The following CRB1 variants were observed in gnomAD, a reference collection of about 807,000 sequenced individuals.
CRB1 encodes the protein protein crumbs homolog 1.
Under a neutral mutation model 120.0 loss-of-function variants are expected in CRB1, and 83 were observed. The observed-to-expected ratio is 0.69, with a 90% CI of 0.58 to 0.83. CRB1 has a LOEUF of 0.83. CRB1 is among the 40% of genes least tolerant of loss of function. CRB1 has a pLI of 0.00. For synonymous variants in CRB1, 625 were observed against 612.5 expected (o/e 1.02, Z -0.30); for missense variants, 1,699 against 1,687.6 (o/e 1.01, Z -0.12).
chr1:197,268,220 T>C, upstream of CRB1: 1 of 575,600 alleles, frequency 1.7e-6, no homozygotes, highest in Non-Finnish European at 3.2e-6. Flanking sequence ...GTGTAAGTGA[T>C]GCTAAGAAGC....
At chr1:197,311,921 A>AT (rs987403488) in intron 1 of CRB1, among the ~76,000 whole-genome samples, 2 of 152,050 alleles carry the variant, frequency 1.3e-5, no homozygotes, top group African/African-American at 4.8e-5. Flanking sequence ...CATCTTTTAA[A>AT]TTTTGAGTGA....
the CRB1 span, among the ~76,000 whole-genome samples, chr1:197,236,432 C>T: frequency 6.6e-6 from 1 of 152,086 alleles, no homozygotes; most frequent in East Asian, 1.9e-4. Flanking sequence ...AACTCCTGAC[C>T]TCGTGATCCA....
At chr1:197,228,030 A>G in the CRB1 span, among the ~76,000 whole-genome samples, 5 of 152,298 alleles carry the variant, frequency 3.3e-5, no homozygotes, top group Admixed American at 3.3e-4. Context: ...ACAGGGCACC[A>G]AGTCCCTAGG....
intron 1 of CRB1, among the ~76,000 whole-genome samples, chr1:197,294,622 C>A (rs1408727964): frequency 3.3e-5 from 5 of 152,102 alleles, no homozygotes; most frequent in Non-Finnish European, 7.4e-5. Flanking sequence ...TTTATTGCGG[C>A]ACTATTCACA....
At chr1:197,380,192 T>G (rs1661878076) in intron 5 of CRB1, among the ~76,000 whole-genome samples, 1 of 152,194 alleles carries the variant, frequency 6.6e-6, no homozygotes, top group African/African-American at 2.4e-5. Context: ...GTCTGGAATA[T>G]TATCAAAAGT....
chr1:197,327,128 A>AT (rs1558055735), intron 1 of CRB1, among the ~76,000 whole-genome samples: 5 of 149,846 alleles, frequency 3.3e-5, no homozygotes, highest in African/African-American at 1.2e-4. Flanking sequence ...AAAAAAAAAA[A>AT]AAAACAGAAA....
Position 197,356,880 on chromosome 1 carries a change from C to T in CRB1, c.1038C>T (p.Asn346=), listed in dbSNP as rs1320196113. 1 of 1,614,178 alleles carries T rather than the reference C, an allele frequency of 6.2e-7. No homozygotes were observed. The highest frequency in any genetic ancestry group is 8.5e-7 in the Non-Finnish European group (1 of 1,180,028). ...TCGACCTCAATGAATGCAATAGTAA[C>T]CCCTGCCAGTCCAATGGGGAATGTG... ...CEIDLNECNS[N]PCQSNGECVE... is the part of the protein sequence containing the mutation. The change falls in exon 5 of 12, where the codon AAC becomes AAT. Residue 346 remains asparagine, a synonymous_variant. Coordinates refer to ENST00000367400, the MANE Select transcript of CRB1 (RefSeq NM_201253.3).
intron 5 of CRB1, among the ~76,000 whole-genome samples, chr1:197,417,055 A>C (rs935110242): frequency 6.6e-6 from 1 of 152,190 alleles, no homozygotes; most frequent in African/African-American, 2.4e-5. Flanking sequence ...TTCAGAGGCA[A>C]TTTGAAGGAG....
intron 1 of CRB1, among the ~76,000 whole-genome samples, chr1:197,307,304 A>C (rs1571808445): frequency 1.3e-5 from 2 of 152,336 alleles, no homozygotes; most frequent in Admixed American, 6.5e-5. Flanking sequence ...TTACAACTGC[A>C]AATGAGGATG....
chr1:197,212,813 G>A, the CRB1 span, among the ~76,000 whole-genome samples: 1 of 151,884 alleles, frequency 6.6e-6, no homozygotes, highest in African/African-American at 2.4e-5. Flanking sequence ...GACACACAAT[G>A]AAACAAAACA....
intron 5 of CRB1, among the ~76,000 whole-genome samples, chr1:197,367,392 G>A (rs368293973): frequency 2.0e-4 from 31 of 152,152 alleles, no homozygotes; most frequent in East Asian, 1.9e-3. Context: ...AATCAATAAA[G>A]AGGAACTTTT....
At chr1:197,223,647 T>C in the CRB1 span, among the ~76,000 whole-genome samples, 5 of 152,208 alleles carry the variant, frequency 3.3e-5, no homozygotes, top group African/African-American at 1.2e-4. Context: ...GTGAAAATCA[T>C]ATTTGGACTG....
intron 5 of CRB1, among the ~76,000 whole-genome samples, chr1:197,367,161 A>C (rs554172189): frequency 6.6e-6 from 1 of 152,314 alleles, no homozygotes; most frequent in Non-Finnish European, 1.5e-5. Context: ...TTTATTTTGT[A>C]TGACCACCCT....
chr1:197,472,982 C>G (rs1667046656), intron 11 of CRB1, among the ~76,000 whole-genome samples: 1 of 152,178 alleles, frequency 6.6e-6, no homozygotes, highest in African/African-American at 2.4e-5. Context: ...TAGAACAATT[C>G]TAAGACGTGG....
At chr1:197,352,970 C>G (rs1257560849) in intron 4 of CRB1, among the ~76,000 whole-genome samples, 1 of 152,126 alleles carries the variant, frequency 6.6e-6, no homozygotes, top group African/African-American at 2.4e-5. Flanking sequence ...TTGAGTAGTA[C>G]TAGTGATTGA....
chr1:197,310,390 G>A (rs952132068), intron 1 of CRB1, among the ~76,000 whole-genome samples: 5 of 152,234 alleles, frequency 3.3e-5, no homozygotes, highest in South Asian at 2.1e-4. Context: ...CTAAATCCCC[G>A]TTTCTGGGCT....
Position 197,468,764 on chromosome 1 carries a change from G to A in CRB1, c.4006-8900G>A, listed in dbSNP as rs147408746. On this transcript the variant is annotated intron_variant, in intron 11 of 11. Transcript: ENST00000367400. Reference sequence around the variant, plus strand: ...TAGCTACAGCTCTTCTCAAAAATGTGCTGGCCCTGGACATTGCTGTGTAAG... The same window carrying A: ...TAGCTACAGCTCTTCTCAAAAATGTACTGGCCCTGGACATTGCTGTGTAAG... Among the ~76,000 whole-genome samples, 750 of 152,310 alleles carry A rather than the reference G, an allele frequency of 4.9e-3. 9 individuals carry two copies. The highest frequency in any genetic ancestry group is 0.017 in the African/African-American group (701 of 41,574).
At chr1:197,225,673 A>G in the CRB1 span, among the ~76,000 whole-genome samples, 10 of 152,290 alleles carry the variant, frequency 6.6e-5, no homozygotes, top group African/African-American at 2.4e-4. Flanking sequence ...ACTACCTGCA[A>G]TGTGGGCATG....
At chr1:197,281,551 G>A (rs1439808389) in intron 1 of CRB1, among the ~76,000 whole-genome samples, 1 of 151,762 alleles carries the variant, frequency 6.6e-6, no homozygotes, top group Non-Finnish European at 1.5e-5. Flanking sequence ...ACCCTGGCAT[G>A]CTCAGACTTG....
Sources: gnomAD v4.1 joint callset for allele counts (sites outside exome capture counted in the v4.1 genomes callset) on GRCh38, gnomAD v4.1.1 for gene constraint, MANE v1.5 for transcripts, NCBI Gene and HGNC (gene_info 2026-07-23, HGNC 2026-07-21) for gene names.